Variants in FHAD1 observed in about 807,000 individuals in gnomAD.
The protein encoded by FHAD1 is forkhead-associated domain-containing protein 1.
Under a neutral mutation model 191.3 loss-of-function variants are expected in FHAD1, and 146 were observed. That is an observed-to-expected ratio of 0.76 (90% CI 0.67 to 0.88). FHAD1 has a LOEUF of 0.88. FHAD1 is among the 40% of genes least tolerant of loss of function. FHAD1 has a pLI of 0.00. For synonymous variants in FHAD1, 616 were observed against 672.3 expected (o/e 0.92, Z 1.29); for missense variants, 1,635 against 1,785.8 (o/e 0.92, Z 1.52).
Position 15,360,487 on chromosome 1 carries a change from G to A in FHAD1, c.2746G>A (p.Glu916Lys). 1 of 1,551,214 alleles carries A rather than the reference G, an allele frequency of 6.4e-7. No homozygotes were observed. Among genetic ancestry groups the A allele is most frequent in the Non-Finnish European group, 8.7e-7 (1 of 1,146,858 alleles). The change falls in exon 22 of 34, where the codon GAA becomes AAA. Residue 916 changes from glutamate to lysine, a missense_variant. Glu to Lys is a moderately conservative substitution (Grantham distance 56, BLOSUM62 1). Coordinates refer to ENST00000688493, the MANE Select transcript of FHAD1 (RefSeq NM_001391957.1). ...ETTKTKMIMV[E>K]ERLILQQKMV... ...ACTCTCTGTTTCCCAGATCATGGTGGAAGAGCGGCTAATCCTGCAGCAGAA... is the reference window on the plus strand; with the variant it reads ...ACTCTCTGTTTCCCAGATCATGGTGAAAGAGCGGCTAATCCTGCAGCAGAA...
chr1:15,320,364 G>T (rs903942576), intron 10 of FHAD1, among the ~76,000 whole-genome samples: 4 of 152,174 alleles, frequency 2.6e-5, no homozygotes, highest in African/African-American at 9.7e-5. Context: ...ATTAAATGAA[G>T]CTTGCCGATA....
At position 15,316,271 on chromosome 1, in the gene FHAD1, C is replaced by T. The variant is rs1436036829; in HGVS notation, c.1171-107C>T. 4 of 841,232 alleles carry T rather than the reference C, an allele frequency of 4.8e-6. No individual in the cohort carries two copies. Among genetic ancestry groups the T allele is most frequent in the Non-Finnish European group, 3.8e-6 (2 of 524,452 alleles). 52.1% of individuals were successfully genotyped at this position (841,232 alleles called of 1,614,324 possible). A position where few individuals can be genotyped will look rare whatever the true frequency, so the allele number is the denominator to read the frequency against. ...TCAGTGCGTGACTGGATGGAAACAG[C>T]AGGAAATGCTCTCAGGGGCTCACAT... On this transcript the variant is annotated intron_variant, in intron 8 of 33. Coordinates refer to ENST00000688493, the MANE Select transcript of FHAD1 (RefSeq NM_001391957.1). This position sits in a 1 kb window ranked among gnomAD's most constrained non-coding sequence, Gnocchi z 4.3.
At chr1:15,240,555 T>C (rs1340688104) in intron 1 of FHAD1, among the ~76,000 whole-genome samples, 4 of 145,918 alleles carry the variant, frequency 2.7e-5, no homozygotes, top group Non-Finnish European at 4.5e-5. Context: ...CACTTGAGCC[T>C]GGGAAATCAA....
At chr1:15,392,248 C>T (rs1425288061) in intron 33 of FHAD1, among the ~76,000 whole-genome samples, 1 of 152,204 alleles carries the variant, frequency 6.6e-6, no homozygotes, top group Admixed American at 6.5e-5. Flanking sequence ...AAGGTTTCCT[C>T]CAGGCCAGGC....
intron 31 of FHAD1, chr1:15,383,391 G>T (rs900917069): frequency 7.6e-6 from 3 of 392,440 alleles, no homozygotes. Context: ...ACCCATGCAG[G>T]TGGTCTCCTG....
At chr1:15,295,635 A>T (rs1036150807) in intron 4 of FHAD1, among the ~76,000 whole-genome samples, 3 of 135,016 alleles carry the variant, frequency 2.2e-5, no homozygotes, top group Non-Finnish European at 4.5e-5. Flanking sequence ...CTCTCTAAAC[A>T]TATATATATA....
rs182316886 is a variant in FHAD1 at position 15,359,759 on chromosome 1, G to A, written c.2737-719G>A. ...AGGTCAAGAGATCGAGACCATCCTG[G>A]CTAACATGATGAAACCCTATCTCTA... On this transcript the variant is annotated intron_variant, in intron 21 of 33. Transcript: ENST00000688493. 6.0e-4 allele frequency among the ~76,000 whole-genome samples: 91 copies of A among 152,242 alleles called. No homozygotes were observed. In the South Asian group the frequency reaches 6.4e-3, roughly 11 times the overall value.
chr1:15,378,561 A>C (rs976266717), intron 28 of FHAD1, among the ~76,000 whole-genome samples: 1 of 152,192 alleles, frequency 6.6e-6, no homozygotes, highest in Non-Finnish European at 1.5e-5. Flanking sequence ...CAGTTGAGGG[A>C]GCTGGAGACA....
At chr1:15,256,393 C>T (rs1648069328) in intron 2 of FHAD1, among the ~76,000 whole-genome samples, 1 of 152,080 alleles carries the variant, frequency 6.6e-6, no homozygotes, top group South Asian at 2.1e-4. Context: ...TGGCTCACGC[C>T]TGTAATTCCA....
chr1:15,358,145 A>G lies in FHAD1; in HGVS notation c.2598A>G (p.Leu866=), dbSNP rs1187226219. The change falls in exon 21 of 34, where the codon TTA becomes TTG. Residue 866 remains leucine (L), a synonymous_variant. Coordinates refer to ENST00000688493, the MANE Select transcript of FHAD1 (RefSeq NM_001391957.1). ...TAAAAGAGCAAAAAGAGGACGTTTTAAATAATAAATTAAGTGACGCACTGG... is the reference window on the plus strand; with the variant it reads ...TAAAAGAGCAAAAAGAGGACGTTTTGAATAATAAATTAAGTGACGCACTGG... The part of the protein sequence containing the change: ...LELKEQKEDV[L]NNKLSDALAM... 6.6e-7 allele frequency: 1 copy of G among 1,515,592 alleles called. No individual in the cohort carries two copies. The highest frequency in any genetic ancestry group is 2.7e-5 in the Admixed American group (1 of 37,406). 93.9% of individuals were successfully genotyped at this position (1,515,592 alleles called of 1,614,324 possible). A position where few individuals can be genotyped will look rare whatever the true frequency, so the allele number is the denominator to read the frequency against.
At chr1:15,360,371 C>T in intron 21 of FHAD1, 107 bp from the exon 22 acceptor site, 1 of 955,130 alleles carries the variant, frequency 1.0e-6, no homozygotes, top group Non-Finnish European at 1.6e-6. Context: ...TGCTAAGGCC[C>T]TGGGGTGGGG....
In FHAD1 at chr1:15,251,812, G is replaced by A; in HGVS notation, c.28G>A (p.Gly10Ser). 2 of 1,552,196 alleles carry A rather than the reference G, an allele frequency of 1.3e-6. No individual in the cohort carries two copies. Residue 10 changes from glycine to serine, a missense_variant, in exon 2 of 34, where the codon GGC (glycine) becomes AGC (serine). Transcript: ENST00000688493. MKAYLKSAE[G>S]FFVLNKSTTI... Reference sequence around the variant, plus strand: ...GAAGGCCTATCTAAAGAGCGCAGAAGGCTTTTTTGTCCTAAATAAAAGTAC... The same window carrying A: ...GAAGGCCTATCTAAAGAGCGCAGAAAGCTTTTTTGTCCTAAATAAAAGTAC...
chr1:15,371,588 G>T (rs1375716485), intron 26 of FHAD1, among the ~76,000 whole-genome samples: 1 of 152,152 alleles, frequency 6.6e-6, no homozygotes, highest in Non-Finnish European at 1.5e-5. Flanking sequence ...AGGCTGTGAC[G>T]GAGCCTTAAT....
chr1:15,402,094 G>A (rs1707141029), downstream of FHAD1, among the ~76,000 whole-genome samples: 1 of 152,128 alleles, frequency 6.6e-6, no homozygotes, highest in Non-Finnish European at 1.5e-5. Context: ...TTATCTTCTG[G>A]CTAACTGTGG....
chr1:15,384,991 T>A (rs2473336), intron 31 of FHAD1, among the ~76,000 whole-genome samples: 9 of 149,966 alleles, frequency 6.0e-5, no homozygotes, highest in Admixed American at 5.9e-4. Flanking sequence ...TCATCCCCCC[T>A]ATTCCTTTCC....
chr1:15,279,061 A>C (rs1012267642), intron 3 of FHAD1, among the ~76,000 whole-genome samples: 1 of 151,940 alleles, frequency 6.6e-6, no homozygotes, highest in Non-Finnish European at 1.5e-5. Context: ...TCTCCACCTA[A>C]TGTTTTACTA....
At chr1:15,255,358 C>A (rs1647498372) in intron 2 of FHAD1, among the ~76,000 whole-genome samples, 1 of 152,086 alleles carries the variant, frequency 6.6e-6, no homozygotes. Flanking sequence ...TGGGAGAAAG[C>A]AAACTGTAAA....
intron 28 of FHAD1, 113 bp downstream of exon 28, chr1:15,375,843 G>A (rs1570428992): frequency 8.2e-7 from 1 of 1,218,664 alleles, no homozygotes; most frequent in Non-Finnish European, 1.1e-6. Flanking sequence ...TTTGGGGCTG[G>A]CTGCTGTCTA....
In FHAD1 at chr1:15,381,641, T is replaced by C. The variant is rs1700925918; in HGVS notation, c.4022+190T>C. ...GGTAGAGGGAATTCTGTCCCCGAGATCACGGCTGCAGAAGTGCACGGTTTC... is the reference window on the plus strand; with the variant it reads ...GGTAGAGGGAATTCTGTCCCCGAGACCACGGCTGCAGAAGTGCACGGTTTC... On this transcript the variant is annotated intron_variant, in intron 30 of 33. Coordinates refer to ENST00000688493, the MANE Select transcript of FHAD1 (RefSeq NM_001391957.1). This position sits in a 1 kb window ranked among gnomAD's most constrained non-coding sequence, Gnocchi z 4.6. Among the ~76,000 whole-genome samples, 1 of 152,106 alleles carries C rather than the reference T, an allele frequency of 6.6e-6. No individual in the cohort carries two copies. The highest frequency in any genetic ancestry group is 2.4e-5 in the African/African-American group (1 of 41,422).
Sources: allele counts gnomAD v4.1 joint callset (sites outside exome capture counted in the v4.1 genomes callset), GRCh38; gene constraint gnomAD v4.1.1; non-coding constraint Gnocchi (gnomAD v3.1); transcripts MANE v1.5; gene names NCBI Gene and HGNC (gene_info 2026-07-23, HGNC 2026-07-21).